Variants in HP1BP3 observed in about 807,000 individuals in gnomAD.
HP1BP3 encodes heterochromatin protein 1 binding protein 3.
HP1BP3 carries 12 observed loss-of-function variants against 62.5 expected under a neutral mutation model. That is an observed-to-expected ratio of 0.19 (90% CI 0.12 to 0.31). HP1BP3 has a LOEUF of 0.31. HP1BP3 is among the 10% of genes least tolerant of loss of function. The pLI, the probability that HP1BP3 is intolerant of heterozygous loss-of-function variation, is 1.00. For synonymous variants in HP1BP3, 260 were observed against 237.8 expected (o/e 1.09, Z -0.86); for missense variants, 502 against 651.8 (o/e 0.77, Z 2.50).
At chr1:20,754,301 AAAAATTCAAGACTCGTAC>A in intron 9 of HP1BP3, among the ~76,000 whole-genome samples, 1 of 152,356 alleles carries the variant, frequency 6.6e-6, no homozygotes, top group Admixed American at 6.5e-5. Flanking sequence ...ATTTAACAAA[AAAAATTCAAGACTCGTAC>A]ACCGAACAAC....
chr1:20,753,859 G>C (rs1192101333), intron 9 of HP1BP3, among the ~76,000 whole-genome samples: 2 of 152,148 alleles, frequency 1.3e-5, no homozygotes, highest in Admixed American at 6.5e-5. Flanking sequence ...AGTATATATA[G>C]AAGGGAACTT....
intron 1 of HP1BP3, 82 bp from the exon 2 acceptor site, chr1:20,780,622 G>A (rs550106299): frequency 4.4e-5 from 25 of 569,478 alleles, no homozygotes; most frequent in Non-Finnish European, 6.3e-5. Context: ...CACATCCAAA[G>A]GGAAAAAATA....
intron 1 of HP1BP3, among the ~76,000 whole-genome samples, chr1:20,784,339 G>C (rs1364119552): frequency 1.3e-5 from 2 of 152,098 alleles, no homozygotes; most frequent in African/African-American, 4.8e-5. Context: ...TGCCACACTT[G>C]TTCCTGGCAG....
In HP1BP3 at chr1:20,744,998, C is replaced by A; in HGVS notation, c.1461G>T (p.Gln487His). ...SKPAPKVSAA[Q>H]RGKARPLPKK... is the part of the protein sequence containing the mutation. ...TAGGCAAGGGCCTAGCTTTCCCCCG[C>A]TGGGCAGCTGAGACTTTAGGTGCAG... The change falls in exon 13 of 13, where the codon CAG (glutamine) becomes CAT (histidine). Residue 487 changes from glutamine (Q) to histidine (H), a missense_variant. Physicochemically the swap from Gln to His is conservative, Grantham distance 24. This residue lies in a region of HP1BP3 where 194 missense variants were observed against 207.0 expected (regional missense o/e 0.94). Transcript: ENST00000438032. The A allele has an allele frequency of 6.2e-7, 1 of 1,614,188 alleles. No homozygotes were observed. The highest frequency in any genetic ancestry group is 1.1e-5 in the South Asian group (1 of 91,088).
intron 8 of HP1BP3, 141 bp from the exon 9 acceptor site, chr1:20,757,397 GTT>G (rs896812682): frequency 3.6e-5 from 13 of 356,510 alleles, no homozygotes; most frequent in Non-Finnish European, 4.6e-5. Flanking sequence ...TTGAGGTGGA[GTT>G]TTGCCCTTGT....
intron 8 of HP1BP3, among the ~76,000 whole-genome samples, chr1:20,764,921 C>T (rs958876984): frequency 6.7e-6 from 1 of 150,056 alleles, no homozygotes; most frequent in African/African-American, 2.5e-5. Context: ...GTAATCCTAG[C>T]ACTTTGGGAG....
At chr1:20,747,972 T>C (rs1231583460) in intron 10 of HP1BP3, among the ~76,000 whole-genome samples, 2 of 152,150 alleles carry the variant, frequency 1.3e-5, no homozygotes, top group Non-Finnish European at 2.9e-5. Context: ...CCACCTTGGC[T>C]TCCCAGACTG....
chr1:20,766,147 C>T (rs561819411), intron 7 of HP1BP3, among the ~76,000 whole-genome samples: 1 of 152,082 alleles, frequency 6.6e-6, no homozygotes, highest in East Asian at 1.9e-4. Flanking sequence ...CATAATTAGC[C>T]AGGCATGGTG....
chr1:20,761,687 G>T (rs1557653122), intron 8 of HP1BP3, among the ~76,000 whole-genome samples: 2 of 152,314 alleles, frequency 1.3e-5, no homozygotes, highest in Admixed American at 1.3e-4. Context: ...TTACAGTTTT[G>T]CAAGTGAAAG....
At chr1:20,770,834 T>G in intron 6 of HP1BP3, 96 bp downstream of exon 6, 2 of 926,068 alleles carry the variant, frequency 2.2e-6, no homozygotes, top group Non-Finnish European at 3.1e-6. Context: ...AAACTTATTT[T>G]TAACAAAAAA....
intron 8 of HP1BP3, among the ~76,000 whole-genome samples, chr1:20,759,823 T>A (rs565221508): frequency 4.0e-5 from 6 of 149,620 alleles, no homozygotes; most frequent in African/African-American, 1.5e-4. Context: ...TGAAGAGGAG[T>A]AGCTTAGGTC....
At chr1:20,780,799 G>C (rs1032749842) in intron 1 of HP1BP3, among the ~76,000 whole-genome samples, 3 of 152,096 alleles carry the variant, frequency 2.0e-5, no homozygotes, top group Non-Finnish European at 4.4e-5. Context: ...AGCTCCTAAG[G>C]AACCTAACCC....
chr1:20,765,856 T>C (rs530738260), intron 7 of HP1BP3, among the ~76,000 whole-genome samples: 119 of 151,480 alleles, frequency 7.9e-4, no homozygotes, highest in Admixed American at 1.8e-3. Flanking sequence ...TCCCAGATAC[T>C]TGGAAGGCTG....
At chr1:20,783,055 T>C (rs986823240) in intron 1 of HP1BP3, among the ~76,000 whole-genome samples, 3 of 151,312 alleles carry the variant, frequency 2.0e-5, no homozygotes, top group African/African-American at 7.3e-5. Flanking sequence ...CAGGCTACAG[T>C]GAGCTAGAAT....
chr1:20,763,618 T>C (rs1405820100), intron 8 of HP1BP3, among the ~76,000 whole-genome samples: 2 of 152,218 alleles, frequency 1.3e-5, no homozygotes, highest in Admixed American at 6.5e-5. Context: ...TTTCTAGAAG[T>C]CATCTCACAC....
At chr1:20,763,046 GTTGTT>G (rs1486953937) in intron 8 of HP1BP3, among the ~76,000 whole-genome samples, 1 of 152,120 alleles carries the variant, frequency 6.6e-6, no homozygotes, top group African/African-American at 2.4e-5. Context: ...AAAACAACTG[GTTGTT>G]TTAAGAGTGT....
At chr1:20,745,232 G>C (rs2055240019) in intron 12 of HP1BP3, 141 bp from the exon 13 acceptor site, 3 of 950,778 alleles carry the variant, frequency 3.2e-6, no homozygotes, top group Non-Finnish European at 3.1e-6. Flanking sequence ...TTTTTTACTA[G>C]AGATTTTACT....
At chr1:20,765,175 T>TA (rs4057761) in intron 8 of HP1BP3, among the ~76,000 whole-genome samples, 8,542 of 57,332 alleles carry the variant, frequency 0.15, 493 homozygotes, top group East Asian at 0.46. Context: ...CTCAAAAAAC[T>TA]AAAAAAAAAA....
chr1:20,762,524 A>T (rs948999795), intron 8 of HP1BP3, among the ~76,000 whole-genome samples: 2 of 152,332 alleles, frequency 1.3e-5, no homozygotes, highest in South Asian at 2.1e-4. Context: ...CGAATCCCCT[A>T]ATCACAAGGA....
Sources: gnomAD v4.1 joint callset for allele counts (sites outside exome capture counted in the v4.1 genomes callset) on GRCh38, gnomAD v4.1.1 for gene constraint, gnomAD v4.1.1 regional missense constraint, MANE v1.5 for transcripts, NCBI Gene and HGNC (gene_info 2026-07-23, HGNC 2026-07-21) for gene names.